Variants in MEIS2 observed in about 807,000 individuals in gnomAD.
MEIS2 encodes the protein homeobox protein Meis2.
A neutral mutation model predicts 58.6 loss-of-function variants in MEIS2; 9 were observed. The ratio of observed to expected loss-of-function variants is 0.15; its 90% CI spans 0.09 to 0.27. The LOEUF is 0.27. MEIS2 is among the 10% of genes least tolerant of loss of function. The pLI, the probability that MEIS2 is intolerant of heterozygous loss-of-function variation, is 1.00. For synonymous variants in MEIS2, 221 were observed against 228.4 expected, an observed-to-expected ratio of 0.97 and a Z score of 0.29; for missense variants, 427 against 635.0, an observed-to-expected ratio of 0.67 and a Z score of 3.52.
At chr15:36,893,290 A>T (rs74011009) in intron 11 of MEIS2, among the ~76,000 whole-genome samples, 8,451 of 152,308 alleles carry the variant, frequency 0.055, 826 homozygotes, top group African/African-American at 0.19. Flanking sequence ...CTAAAAGGAC[A>T]GCTTTATTCA....
intron 8 of MEIS2, among the ~76,000 whole-genome samples, chr15:36,957,530 G>C (rs2059024123): frequency 6.6e-6 from 1 of 152,118 alleles, no homozygotes. Flanking sequence ...CATTCAAACA[G>C]TGGAAAACCC....
chr15:36,894,732 C>G (rs369556038), intron 11 of MEIS2: 7 of 1,612,612 alleles, frequency 4.3e-6, no homozygotes, highest in Non-Finnish European at 5.9e-6. Context: ...CCTTGCTTTG[C>G]GATTGCTTTA....
chr15:37,011,438 A>T (rs542235958), intron 8 of MEIS2, among the ~76,000 whole-genome samples: 81 of 152,300 alleles, frequency 5.3e-4, no homozygotes, highest in African/African-American at 1.9e-3. Context: ...AAATGTATAT[A>T]GATGCAGAGT....
At chr15:36,907,297 G>A (rs1404114713) in intron 9 of MEIS2, among the ~76,000 whole-genome samples, 2 of 152,022 alleles carry the variant, frequency 1.3e-5, no homozygotes, top group Non-Finnish European at 2.9e-5. Flanking sequence ...TTTTTAAATG[G>A]GCTTTTAAGG....
At chr15:37,052,384 A>C (rs562470626) in intron 7 of MEIS2, among the ~76,000 whole-genome samples, 5 of 152,358 alleles carry the variant, frequency 3.3e-5, no homozygotes, top group Admixed American at 6.5e-5. Flanking sequence ...AACTGAAGCC[A>C]GACAGGTTAA....
At chr15:37,009,246 G>A (rs936431483) in intron 8 of MEIS2, among the ~76,000 whole-genome samples, 3 of 151,940 alleles carry the variant, frequency 2.0e-5, no homozygotes, top group East Asian at 3.9e-4. Context: ...CCGAGATCGC[G>A]CCACTGCACT....
intron 7 of MEIS2, among the ~76,000 whole-genome samples, chr15:37,074,609 A>C (rs959033148): frequency 6.6e-6 from 1 of 152,006 alleles, no homozygotes; most frequent in Non-Finnish European, 1.5e-5. Context: ...AATTAATGTC[A>C]GCATAGGACA....
At chr15:37,040,911 T>G (rs1015707887) in intron 7 of MEIS2, among the ~76,000 whole-genome samples, 1 of 152,226 alleles carries the variant, frequency 6.6e-6, no homozygotes, top group Admixed American at 6.5e-5. Context: ...GGTTTGCTTA[T>G]GCAATCAGAG....
At chr15:37,075,920 T>A (rs983092602) in intron 7 of MEIS2, among the ~76,000 whole-genome samples, 2 of 151,992 alleles carry the variant, frequency 1.3e-5, no homozygotes, top group African/African-American at 4.8e-5. Flanking sequence ...CGAGACCTTG[T>A]GTTCCAGCAA....
At chr15:36,996,428 C>T (rs140510999) in intron 8 of MEIS2, among the ~76,000 whole-genome samples, 364 of 151,960 alleles carry the variant, frequency 2.4e-3, no homozygotes, top group African/African-American at 8.4e-3. Flanking sequence ...TTTTTTTTAT[C>T]GAGATTGGGA....
intron 8 of MEIS2, among the ~76,000 whole-genome samples, chr15:36,977,302 A>G (rs1874227816): frequency 6.6e-6 from 1 of 152,234 alleles, no homozygotes; most frequent in Non-Finnish European, 1.5e-5. Context: ...AATATTAAAG[A>G]AAAGGATTTA....
intron 9 of MEIS2, chr15:36,897,927 A>G (rs2056267577): frequency 6.6e-6 from 1 of 152,220 alleles, no homozygotes; most frequent in African/African-American, 2.4e-5. Context: ...GTTCCGAGGA[A>G]GCTGAAGTCC....
At chr15:36,976,040 T>C (rs2059737762) in intron 8 of MEIS2, among the ~76,000 whole-genome samples, 1 of 152,186 alleles carries the variant, frequency 6.6e-6, no homozygotes, top group South Asian at 2.1e-4. Context: ...CAACACTTTA[T>C]AAGTAAGGGA....
chr15:37,016,129 T>C lies in MEIS2; in HGVS notation c.900+20685A>G, dbSNP rs201026693. Among the ~76,000 whole-genome samples, 9 of 152,108 alleles carry C rather than the reference T, an allele frequency of 5.9e-5. No homozygotes were observed. In the East Asian group the frequency reaches 1.5e-3, roughly 26 times the overall value. On this transcript the variant is annotated intron_variant, in intron 8 of 11. Transcript: ENST00000561208. ...GATGGGAGGGGGCAGAATCCAAAGT[T>C]AGCCAAGTCAGCTAGCTCTTCCCCT...
At chr15:37,017,929 T>C (rs1320018531) in intron 8 of MEIS2, among the ~76,000 whole-genome samples, 4 of 152,192 alleles carry the variant, frequency 2.6e-5, no homozygotes, top group Non-Finnish European at 4.4e-5. Context: ...TTAAAAGTAT[T>C]TGTCCCCTTA....
chr15:37,065,824 A>C (rs1465163634), intron 7 of MEIS2, among the ~76,000 whole-genome samples: 2 of 152,204 alleles, frequency 1.3e-5, no homozygotes, highest in South Asian at 4.1e-4. Flanking sequence ...ATCCAGTTGA[A>C]TGTGTTACTA....
chr15:37,054,478 A>G (rs2063050120), intron 7 of MEIS2, among the ~76,000 whole-genome samples: 1 of 152,168 alleles, frequency 6.6e-6, no homozygotes, highest in Admixed American at 6.5e-5. Context: ...CTGCCGTGGA[A>G]TGATCACGGC....
intron 9 of MEIS2, among the ~76,000 whole-genome samples, chr15:36,943,613 G>A (rs911060427): frequency 2.2e-4 from 34 of 151,874 alleles, no homozygotes; most frequent in Admixed American, 5.9e-4. Context: ...CTTTTTTGTT[G>A]TTTTGTGTTT....
chr15:37,056,533 T>C (rs562274202), intron 7 of MEIS2, among the ~76,000 whole-genome samples: 12 of 152,306 alleles, frequency 7.9e-5, no homozygotes, highest in African/African-American at 2.6e-4. Context: ...GACGGCAGCT[T>C]CGCCTGAGCA....
Sources: allele counts gnomAD v4.1 joint callset (sites outside exome capture counted in the v4.1 genomes callset), GRCh38; gene constraint gnomAD v4.1.1; transcripts MANE v1.5; gene names NCBI Gene and HGNC (gene_info 2026-07-23, HGNC 2026-07-21).